PRELID2: variants seen among roughly 807,000 people sequenced by gnomAD.
PRELID2 encodes PRELI domain containing 2.
A neutral mutation model predicts 28.4 loss-of-function variants in PRELID2; 25 were observed. The observed-to-expected ratio is 0.88, with a 90% CI of 0.64 to 1.23. The LOEUF (loss-of-function observed/expected upper bound fraction) is 1.23. Among genes scored for constraint, PRELID2 ranks in the 50% most tolerant of loss-of-function variants. The probability of loss-of-function intolerance (pLI) is 0.00; values close to 1 mark genes in which losing one functional copy is unlikely to be tolerated. For missense variants in PRELID2, 201 were observed against 214.4 expected, an observed-to-expected ratio of 0.94 and a Z score of 0.39; for synonymous variants, 76 against 71.6, an observed-to-expected ratio of 1.06 and a Z score of -0.31.
At chr5:145,478,851 G>T (rs553339009) in intron 1 of PRELID2, among the ~76,000 whole-genome samples, 2 of 152,270 alleles carry the variant, frequency 1.3e-5, no homozygotes, top group African/African-American at 4.8e-5. Flanking sequence ...GCCCAAACTG[G>T]ATCTACTCTG....
At chr5:145,522,483 CAGAGA>C (rs1177148775) in intron 1 of PRELID2, among the ~76,000 whole-genome samples, 3 of 151,830 alleles carry the variant, frequency 2.0e-5, no homozygotes, top group African/African-American at 7.3e-5. Context: ...CACAGAGAGA[CAGAGA>C]AGAGTTCATG....
At chr5:145,649,283 T>C (rs1254914575) in intron 1 of PRELID2, among the ~76,000 whole-genome samples, 2 of 152,168 alleles carry the variant, frequency 1.3e-5, no homozygotes, top group African/African-American at 2.4e-5. Flanking sequence ...CTTGGTAGCC[T>C]TGCAGTGGAG....
chr5:145,328,052 G>T, the PRELID2 span, among the ~76,000 whole-genome samples: 1 of 151,988 alleles, frequency 6.6e-6, no homozygotes, highest in Non-Finnish European at 1.5e-5. Flanking sequence ...TTCTGTTCCT[G>T]TGCTAGTTTG....
the PRELID2 span, among the ~76,000 whole-genome samples, chr5:145,320,089 G>A: frequency 1.3e-5 from 2 of 152,328 alleles, no homozygotes; most frequent in South Asian, 4.1e-4. Flanking sequence ...AGTTCATTAT[G>A]AATGGAATAC....
chr5:145,674,310 C>A (rs904579259), intron 1 of PRELID2, among the ~76,000 whole-genome samples: 1 of 151,548 alleles, frequency 6.6e-6, no homozygotes, highest in South Asian at 2.1e-4. Flanking sequence ...TCCCTCCCCC[C>A]TCCCTCTACC....
At chr5:145,579,506 T>C (rs1753089967) in intron 1 of PRELID2, among the ~76,000 whole-genome samples, 1 of 152,102 alleles carries the variant, frequency 6.6e-6, no homozygotes, top group Admixed American at 6.6e-5. Flanking sequence ...TGTAAAGCCA[T>C]GACAAGAGGA....
At chr5:145,402,826 T>G in the PRELID2 span, among the ~76,000 whole-genome samples, 4 of 152,156 alleles carry the variant, frequency 2.6e-5, no homozygotes, top group Non-Finnish European at 2.9e-5. Flanking sequence ...ATCGATGTCA[T>G]ATGTTTTATC....
intron 1 of PRELID2, among the ~76,000 whole-genome samples, chr5:145,678,739 G>A (rs1052627585): frequency 2.1e-4 from 32 of 152,058 alleles, no homozygotes; most frequent in Admixed American, 2.0e-4. Context: ...ACCTTACACC[G>A]AGCCTTAATG....
At chr5:145,504,403 C>T (rs1042638900) in intron 1 of PRELID2, among the ~76,000 whole-genome samples, 6 of 152,156 alleles carry the variant, frequency 3.9e-5, no homozygotes, top group African/African-American at 1.4e-4. Context: ...AACTACAAAG[C>T]ACATAGTATT....
chr5:145,325,396 GA>G, the PRELID2 span, among the ~76,000 whole-genome samples: 1 of 152,134 alleles, frequency 6.6e-6, no homozygotes, highest in African/African-American at 2.4e-5. Flanking sequence ...AAAGAATCCT[GA>G]GCCAAATATC....
the PRELID2 span, among the ~76,000 whole-genome samples, chr5:145,426,293 T>C: frequency 1.3e-5 from 2 of 152,160 alleles, no homozygotes; most frequent in South Asian, 4.2e-4. Context: ...AACTGACATT[T>C]CCTTCAGACG....
intron 1 of PRELID2, among the ~76,000 whole-genome samples, chr5:145,480,799 T>C (rs1752152042): frequency 6.6e-6 from 1 of 152,216 alleles, no homozygotes; most frequent in Non-Finnish European, 1.5e-5. Context: ...TGATTTCAAC[T>C]TGATTTTATT....
chr5:145,462,624 G>A, the PRELID2 span, among the ~76,000 whole-genome samples: 2 of 152,184 alleles, frequency 1.3e-5, no homozygotes, highest in South Asian at 2.1e-4. Context: ...ATCTATTTAT[G>A]TTCTGGCTTC....
intron 1 of PRELID2, among the ~76,000 whole-genome samples, chr5:145,710,397 T>A (rs186189283): frequency 6.6e-6 from 1 of 152,312 alleles, no homozygotes; most frequent in Admixed American, 6.5e-5. Flanking sequence ...AATTAACCTT[T>A]CTGGGCCTCA....
chr5:145,417,806 A>T, the PRELID2 span, among the ~76,000 whole-genome samples: 4 of 152,218 alleles, frequency 2.6e-5, no homozygotes, highest in African/African-American at 9.6e-5. Flanking sequence ...GATGGGCAAA[A>T]GCTGGAGGCA....
At chr5:145,367,349 G>A in the PRELID2 span, among the ~76,000 whole-genome samples, 1 of 151,876 alleles carries the variant, frequency 6.6e-6, no homozygotes, top group Non-Finnish European at 1.5e-5. Context: ...AAGGTACCAA[G>A]ATTTCTAATA....
intron 1 of PRELID2, among the ~76,000 whole-genome samples, chr5:145,662,023 A>G: frequency 6.6e-6 from 1 of 152,046 alleles, no homozygotes; most frequent in Non-Finnish European, 1.5e-5. Context: ...AGATGAATAT[A>G]CAGGATTCTG....
At chr5:145,673,758 C>G (rs1754757931) in intron 1 of PRELID2, among the ~76,000 whole-genome samples, 2 of 151,822 alleles carry the variant, frequency 1.3e-5, no homozygotes, top group South Asian at 2.1e-4. Flanking sequence ...TAAGCAAAAT[C>G]CAATTTAAAG....
the PRELID2 span, among the ~76,000 whole-genome samples, chr5:145,289,835 C>T: frequency 6.6e-6 from 1 of 152,124 alleles, no homozygotes; most frequent in South Asian, 2.1e-4. Flanking sequence ...TTTTAATTTG[C>T]ATTTATCTAA....
Sources: allele counts gnomAD v4.1 joint callset (sites outside exome capture counted in the v4.1 genomes callset), GRCh38; gene constraint gnomAD v4.1.1; transcripts MANE v1.5; gene names NCBI Gene and HGNC (gene_info 2026-07-23, HGNC 2026-07-21).